ERAP1: variants seen among roughly 807,000 people sequenced by gnomAD.
ERAP1 encodes endoplasmic reticulum aminopeptidase 1.
Under a neutral mutation model 103.7 loss-of-function variants are expected in ERAP1, and 86 were observed. The ratio of observed to expected loss-of-function variants is 0.83; its 90% confidence interval spans 0.70 to 0.99. ERAP1 has a LOEUF of 0.99. Ranked by LOEUF, ERAP1 falls within the 50% of genes least tolerant of loss-of-function variation. ERAP1 has a pLI of 0.00. For missense variants in ERAP1, 1,009 were observed against 1,128.4 expected, an observed-to-expected ratio of 0.89 and a Z score of 1.52; for synonymous variants, 398 against 402.4, an observed-to-expected ratio of 0.99 and a Z score of 0.13.
the ERAP1 span, among the ~76,000 whole-genome samples, chr5:96,837,510 G>C: frequency 6.6e-6 from 1 of 152,324 alleles, no homozygotes; most frequent in Non-Finnish European, 1.5e-5. Flanking sequence ...TCTACCCCTC[G>C]TGGGACGGGG....
chr5:96,819,673 A>G, the ERAP1 span, among the ~76,000 whole-genome samples: 1 of 152,220 alleles, frequency 6.6e-6, no homozygotes, highest in Non-Finnish European at 1.5e-5. Context: ...ACTAAGGACC[A>G]GATCAGATCA....
At chr5:96,883,246 T>G in the ERAP1 span, among the ~76,000 whole-genome samples, 1 of 152,176 alleles carries the variant, frequency 6.6e-6, no homozygotes, top group African/African-American at 2.4e-5. Flanking sequence ...TCCTGCACCC[T>G]TGACTGGCTT....
downstream of ERAP1, chr5:96,773,915 A>C (rs1191086112): frequency 6.6e-6 from 1 of 152,286 alleles, no homozygotes. Context: ...GGGCAAGCAA[A>C]AACAATAACA....
At chr5:96,870,031 C>T in the ERAP1 span, among the ~76,000 whole-genome samples, 1 of 152,142 alleles carries the variant, frequency 6.6e-6, no homozygotes, top group South Asian at 2.1e-4. Flanking sequence ...AAGTTGGAAA[C>T]CCAAAGAGGT....
At chr5:96,813,442 CAGG>C in the ERAP1 span, among the ~76,000 whole-genome samples, 8 of 152,016 alleles carry the variant, frequency 5.3e-5, no homozygotes, top group Admixed American at 5.2e-4. Flanking sequence ...ATCATGAGGG[CAGG>C]AGATCGAGAC....
At position 96,797,265 on chromosome 5, in the gene ERAP1, A is replaced by T; in HGVS notation, c.708T>A (p.Phe236Leu). The T allele has an allele frequency of 6.2e-7, 1 of 1,614,184 alleles. No individual in the cohort carries two copies. The highest frequency in any genetic ancestry group is 8.5e-7 in the Non-Finnish European group (1 of 1,179,992). ...TVAEGLIEDH[F>L]DVTVKMSTYL... ...AGGTGCTCATCTTCACAGTGACATCAAAATGGTCTTCTATGAGTCCTTCAG... is the reference window on the plus strand; with the variant it reads ...AGGTGCTCATCTTCACAGTGACATCTAAATGGTCTTCTATGAGTCCTTCAG... The change falls in exon 4 of 19, where the codon TTT (phenylalanine) becomes TTA (leucine). Residue 236 changes from phenylalanine to leucine, a missense_variant. Physicochemically the swap from Phe to Leu is conservative, Grantham distance 22. Around this residue, in one of 3 missense-constraint regions of ERAP1, gnomAD observed 392 missense variants for 455.2 expected, o/e 0.86. Coordinates refer to ENST00000443439, the MANE Select transcript of ERAP1 (RefSeq NM_001040458.3).
At chr5:96,877,534 T>C in the ERAP1 span, among the ~76,000 whole-genome samples, 3 of 152,246 alleles carry the variant, frequency 2.0e-5, no homozygotes, top group African/African-American at 7.2e-5. Flanking sequence ...CTGTGCCAAC[T>C]TCTTCACATG....
At chr5:96,844,095 C>G in the ERAP1 span, among the ~76,000 whole-genome samples, 32 of 152,238 alleles carry the variant, frequency 2.1e-4, no homozygotes, top group African/African-American at 7.5e-4. Flanking sequence ...AAATAAACAC[C>G]CTTCTTTCTC....
At chr5:96,797,490 C>T (rs1777474296) in intron 3 of ERAP1, among the ~76,000 whole-genome samples, 181 bp from the exon 4 acceptor site, 1 of 152,076 alleles carries the variant, frequency 6.6e-6, no homozygotes, top group Non-Finnish European at 1.5e-5. Flanking sequence ...CATGGTGAAA[C>T]CCTATCTCTA....
intron 1 of ERAP1, 59 bp downstream of exon 1, chr5:96,807,801 G>A: frequency 1.0e-6 from 1 of 978,106 alleles, no homozygotes; most frequent in South Asian, 4.7e-5. Flanking sequence ...GGGAAGGGGC[G>A]GGTGCCGCGC....
the ERAP1 span, chr5:96,912,736 T>G: frequency 3.7e-6 from 6 of 1,602,268 alleles, no homozygotes; most frequent in East Asian, 4.5e-5. Flanking sequence ...CAATGTCAAG[T>G]GCTGAACAAA....
At chr5:96,794,095 C>A in intron 5 of ERAP1, 138 bp from the exon 6 acceptor site, 1 of 719,284 alleles carries the variant, frequency 1.4e-6, no homozygotes, top group Non-Finnish European at 2.3e-6. Flanking sequence ...GAACCTTTCA[C>A]AATGGAGAAA....
chr5:96,854,764 T>C, the ERAP1 span, among the ~76,000 whole-genome samples: 6 of 152,326 alleles, frequency 3.9e-5, no homozygotes, highest in South Asian at 1.2e-3. Flanking sequence ...TGTGGCCTTT[T>C]ACCATGGAGT....
At chr5:96,927,794 T>C in the ERAP1 span, among the ~76,000 whole-genome samples, 2 of 152,368 alleles carry the variant, frequency 1.3e-5, no homozygotes, top group South Asian at 4.1e-4. Flanking sequence ...GGATTATTTA[T>C]CTTTTATCAT....
At chr5:96,886,894 A>G in the ERAP1 span, 1 of 1,106,942 alleles carries the variant, frequency 9.0e-7, no homozygotes, top group Non-Finnish European at 1.2e-6. Flanking sequence ...TTATGTTTAT[A>G]TTACAAGAAG....
chr5:96,888,411 T>G, the ERAP1 span, among the ~76,000 whole-genome samples: 2 of 152,186 alleles, frequency 1.3e-5, no homozygotes, highest in African/African-American at 4.8e-5. Context: ...AGCAAGTTAC[T>G]AAATCATTAT....
chr5:96,823,511 T>C, the ERAP1 span, among the ~76,000 whole-genome samples: 2 of 152,214 alleles, frequency 1.3e-5, no homozygotes, highest in Admixed American at 6.5e-5. Context: ...GCAGGCAAAG[T>C]TGTTTTCTTA....
chr5:96,917,607 T>G, the ERAP1 span: 2 of 1,609,292 alleles, frequency 1.2e-6, no homozygotes, highest in South Asian at 1.1e-5. Flanking sequence ...AATACTTAAA[T>G]GGTCAATAGA....
chr5:96,910,693 A>C, the ERAP1 span, among the ~76,000 whole-genome samples: 2 of 152,246 alleles, frequency 1.3e-5, no homozygotes, highest in Non-Finnish European at 2.9e-5. Context: ...TATTCTAGGT[A>C]AACTTATTTA....
Sources: allele counts gnomAD v4.1 joint callset (sites outside exome capture counted in the v4.1 genomes callset), GRCh38; gene constraint gnomAD v4.1.1; regional missense constraint gnomAD v4.1.1; transcripts MANE v1.5; gene names NCBI Gene and HGNC (gene_info 2026-07-23, HGNC 2026-07-21).